The following SDK1 variants were observed in gnomAD, a reference collection of about 807,000 sequenced individuals.
SDK1 encodes protein sidekick-1.
SDK1 carries 157 observed loss-of-function variants against 245.5 expected under a neutral mutation model. The observed-to-expected ratio is 0.64, with a 90% CI of 0.56 to 0.73. The LOEUF is 0.73. Among genes scored for constraint, SDK1 ranks in the 30% least tolerant of loss-of-function variants. The probability of loss-of-function intolerance (pLI) is 0.00; values close to 1 mark genes in which losing one functional copy is unlikely to be tolerated. For synonymous variants in SDK1, 1,647 were observed against 1,278.5 expected, an observed-to-expected ratio of 1.29 and a Z score of -6.15; for missense variants, 3,583 against 3,002.3, an observed-to-expected ratio of 1.19 and a Z score of -4.52.
chr7:3,657,401 C>G (rs535259485), intron 4 of SDK1, among the ~76,000 whole-genome samples: 1 of 152,174 alleles, frequency 6.6e-6, no homozygotes, highest in South Asian at 2.1e-4. Flanking sequence ...CACAGCACAC[C>G]CTGCCGAGTC....
intron 4 of SDK1, among the ~76,000 whole-genome samples, chr7:3,760,124 C>G (rs777554269): frequency 2.6e-5 from 4 of 152,030 alleles, no homozygotes; most frequent in African/African-American, 4.8e-5. Context: ...GAAAATTCCT[C>G]CATAAATAAA....
At chr7:3,918,411 T>G (rs984599673) in intron 5 of SDK1, among the ~76,000 whole-genome samples, 2 of 152,204 alleles carry the variant, frequency 1.3e-5, no homozygotes, top group Admixed American at 1.3e-4. Context: ...CGAACCCTAT[T>G]GTGAGCTGTG....
rs1323390651 is a variant in SDK1 at position 3,546,106 on chromosome 7, G to T, written c.299-72974G>T. Among the ~76,000 whole-genome samples the T allele has an allele frequency of 2.6e-5, 4 of 152,204 alleles. No homozygotes were observed. In the East Asian group the frequency reaches 7.7e-4, roughly 29 times the overall value. ...GTTCTCAAGCTTCAGAGTGCCTCAG[G>T]GTTGCCTGGAGGGCTTGCTGGGGCC... On this transcript the variant is annotated intron_variant, in intron 1 of 44. Transcript: ENST00000404826.
Position 3,459,531 on chromosome 7 carries a change from T to C in SDK1, c.298+157647T>C, listed in dbSNP as rs889528548. Among the ~76,000 whole-genome samples, 6 of 152,320 alleles carry C rather than the reference T, an allele frequency of 3.9e-5. No individual in the cohort carries two copies. The East Asian group carries it at 5.8e-4, about 15-fold the overall frequency. On this transcript the variant is annotated intron_variant, in intron 1 of 44. Transcript: ENST00000404826. Reference sequence around the variant, plus strand: ...TTTGTTCTGTGCTTTTGCCTTATAGTTGAAGCATCACTTTCCTGTTTCAAG... The same window carrying C: ...TTTGTTCTGTGCTTTTGCCTTATAGCTGAAGCATCACTTTCCTGTTTCAAG...
In SDK1 at chr7:3,906,950, C is replaced by T. The variant is rs926508272; in HGVS notation, c.848-43973C>T. On this transcript the variant is annotated intron_variant, in intron 5 of 44. Coordinates refer to ENST00000404826, the MANE Select transcript of SDK1 (RefSeq NM_152744.4). The stretch of plus-strand genomic sequence containing the variant: ...CTGCCTCTGTGTCTTTTTTGATCTC[C>T]TTTCTAGCGCATGCTGTCTTCTTTT... Among the ~76,000 whole-genome samples, 4 of 152,104 alleles carry T rather than the reference C, an allele frequency of 2.6e-5. No individual in the cohort carries two copies. The South Asian group carries it at 8.3e-4, about 31-fold the overall frequency.
intron 1 of SDK1, among the ~76,000 whole-genome samples, chr7:3,575,132 T>A (rs1257890924): frequency 6.6e-6 from 1 of 151,940 alleles, no homozygotes; most frequent in African/African-American, 2.4e-5. Flanking sequence ...CTAGACTGGG[T>A]GGTTTAAGGC....
Position 3,466,979 on chromosome 7 carries a change from T to TACACACACACACACACAC in SDK1, c.299-152067_299-152050dup, listed in dbSNP as rs11269597. 1.2e-3 allele frequency among the ~76,000 whole-genome samples: 153 copies of TACACACACACACACACAC among 127,586 alleles called. 1 individual carries two copies. The highest frequency in any genetic ancestry group is 4.0e-3 in the Middle Eastern group (1 of 248). The allele number at this position is 127,586 out of a possible 152,430, so 83.7% of individuals were successfully genotyped here. ...TCGAAATCTCTCTCCTCTCTCTCTC[T>TACACACACACACACACAC]ACACACACACACACACACACACACA... On this transcript the variant is annotated intron_variant, in intron 1 of 44. Coordinates refer to ENST00000404826, the MANE Select transcript of SDK1 (RefSeq NM_152744.4).
At chr7:3,425,115 C>CTT (rs3086058) in intron 1 of SDK1, among the ~76,000 whole-genome samples, 1 of 144,718 alleles carries the variant, frequency 6.9e-6, no homozygotes, top group Non-Finnish European at 1.5e-5. Flanking sequence ...CAGTTGCCAG[C>CTT]TTTTTTTTTT....
chr7:3,371,991 A>G (rs1322288945), intron 1 of SDK1, among the ~76,000 whole-genome samples: 3 of 152,230 alleles, frequency 2.0e-5, no homozygotes, highest in Non-Finnish European at 4.4e-5. Flanking sequence ...TATCTTGTCT[A>G]TTAAATGCTA....
intron 5 of SDK1, among the ~76,000 whole-genome samples, chr7:3,887,869 C>T (rs1038542360): frequency 6.6e-6 from 1 of 152,112 alleles, no homozygotes; most frequent in Admixed American, 6.5e-5. Flanking sequence ...TATTTCTTTC[C>T]GCCTTAGCAA....
intron 1 of SDK1, among the ~76,000 whole-genome samples, chr7:3,426,465 C>G (rs1419021498): frequency 1.3e-5 from 2 of 152,178 alleles, no homozygotes; most frequent in African/African-American, 4.8e-5. Context: ...CCTCATTTCC[C>G]TTCTCTCTAA....
intron 2 of SDK1, among the ~76,000 whole-genome samples, chr7:3,622,894 T>C (rs1220451658): frequency 6.6e-6 from 1 of 152,184 alleles, no homozygotes. Flanking sequence ...CTATCATAGC[T>C]TGCTTTTTTT....
At chr7:4,048,953 G>T (rs1204490563) in intron 17 of SDK1, among the ~76,000 whole-genome samples, 1 of 152,110 alleles carries the variant, frequency 6.6e-6, no homozygotes. Flanking sequence ...GAACAATTTA[G>T]CTTGAAACAT....
At chr7:4,178,609 C>G (rs777529397) in intron 35 of SDK1, 23 bp downstream of exon 35, 2 of 1,563,030 alleles carry the variant, frequency 1.3e-6, no homozygotes, top group Non-Finnish European at 1.8e-6. Flanking sequence ...CACCCCCAAC[C>G]CCACTGCCAG....
chr7:3,700,767 C>T (rs558641637), intron 4 of SDK1, among the ~76,000 whole-genome samples: 3 of 152,222 alleles, frequency 2.0e-5, no homozygotes, highest in African/African-American at 4.8e-5. Context: ...AGAGAAAAGT[C>T]GATTCATCTA....
At chr7:3,423,484 G>T (rs892568532) in intron 1 of SDK1, among the ~76,000 whole-genome samples, 1 of 151,954 alleles carries the variant, frequency 6.6e-6, no homozygotes, top group Non-Finnish European at 1.5e-5. Flanking sequence ...AGATTTTTTT[G>T]GGGGCAGTGA....
At chr7:3,989,050 T>A (rs1784089656) in intron 14 of SDK1, among the ~76,000 whole-genome samples, 2 of 152,218 alleles carry the variant, frequency 1.3e-5, no homozygotes, top group Admixed American at 1.3e-4. Context: ...CCACCGCGCC[T>A]GGCGTCCAGT....
At chr7:4,255,047 A>T (rs1787543179) in intron 44 of SDK1, among the ~76,000 whole-genome samples, 1 of 152,222 alleles carries the variant, frequency 6.6e-6, no homozygotes, top group African/African-American at 2.4e-5. Context: ...GATCCAGTTG[A>T]AGTCCAGCCT....
intron 4 of SDK1, among the ~76,000 whole-genome samples, chr7:3,698,877 A>T (rs1260187829): frequency 6.6e-6 from 1 of 152,194 alleles, no homozygotes; most frequent in East Asian, 1.9e-4. Context: ...ATGCCATCTC[A>T]TTAGAGTTTA....
Sources: allele counts gnomAD v4.1 joint callset (sites outside exome capture counted in the v4.1 genomes callset), GRCh38; gene constraint gnomAD v4.1.1; transcripts MANE v1.5; gene names NCBI Gene and HGNC (gene_info 2026-07-23, HGNC 2026-07-21).